The following UAP1 variants were observed in gnomAD, a reference collection of about 807,000 sequenced individuals.
UAP1 encodes UDP-N-acetylhexosamine pyrophosphorylase.
In UAP1, 25 loss-of-function variants were observed where a neutral mutation model predicts 58.5. The observed-to-expected ratio is 0.43, with a 90% CI of 0.31 to 0.60. The LOEUF is 0.60. UAP1 is among the 20% of genes least tolerant of loss of function. The pLI, the probability that UAP1 is intolerant of heterozygous loss-of-function variation, is 0.11. For synonymous variants in UAP1, 208 were observed against 213.0 expected, an observed-to-expected ratio of 0.98 and a Z score of 0.21; for missense variants, 575 against 630.0, an observed-to-expected ratio of 0.91 and a Z score of 0.93.
At chr1:162,588,358 A>G (rs1256384834) in intron 6 of UAP1, among the ~76,000 whole-genome samples, 1 of 152,200 alleles carries the variant, frequency 6.6e-6, no homozygotes, top group Non-Finnish European at 1.5e-5. Flanking sequence ...TTCCCATTCT[A>G]TGCCATTTGT....
chr1:162,584,084 A>G (rs1382228988), intron 5 of UAP1, among the ~76,000 whole-genome samples: 1 of 151,838 alleles, frequency 6.6e-6, no homozygotes, highest in Non-Finnish European at 1.5e-5. Context: ...TTTTGCTGAC[A>G]GTTCAAAAAT....
intron 7 of UAP1, among the ~76,000 whole-genome samples, chr1:162,589,158 A>ATATATTATATAATATATAT (rs1655114150): frequency 1.5e-5 from 1 of 66,814 alleles, no homozygotes; most frequent in Admixed American, 2.7e-4. Context: ...AATATATATT[A>ATATATTATATAATATATAT]TATATAATAT....
At chr1:162,564,149 A>G (rs187301476) in intron 1 of UAP1, among the ~76,000 whole-genome samples, 59 of 152,336 alleles carry the variant, frequency 3.9e-4, no homozygotes, top group African/African-American at 1.7e-4. Context: ...TGAAACCTAT[A>G]TAAATCAATA....
chr1:162,579,706 AAT>A (rs1654464546), intron 4 of UAP1, 103 bp downstream of exon 4: 3 of 1,045,680 alleles, frequency 2.9e-6, no homozygotes, highest in Non-Finnish European at 4.0e-6. Flanking sequence ...TTTAAACATT[AAT>A]ATATATGTGT....
rs147831973 is a variant in UAP1 at position 162,581,936 on chromosome 1, C to T, written c.834+477C>T. ...TAAGGACAATTAAAGAGGTGAATAA[C>T]TGCTTGAATGACCACACACAGACTG... On this transcript the variant is annotated intron_variant, in intron 5 of 10. Transcript: ENST00000271469. 7.5e-3 allele frequency among the ~76,000 whole-genome samples: 1,135 copies of T among 152,212 alleles called. 8 individuals are homozygous for T. The highest frequency in any genetic ancestry group is 0.026 in the African/African-American group (1,060 of 41,506).
intron 3 of UAP1, among the ~76,000 whole-genome samples, chr1:162,578,755 A>AT (rs1026832714): frequency 6.6e-5 from 10 of 152,196 alleles, no homozygotes; most frequent in Non-Finnish European, 1.5e-4. Context: ...AAATTATACC[A>AT]TTTTGTTTAT....
intron 2 of UAP1, among the ~76,000 whole-genome samples, chr1:162,569,225 C>T (rs1489223197): frequency 6.6e-6 from 1 of 152,162 alleles, no homozygotes; most frequent in South Asian, 2.1e-4. Flanking sequence ...TAGGAAGATC[C>T]TGGTAATTGT....
rs546146996 is a variant in UAP1, at chr1:162,581,342, G to A, written c.717G>A (p.Met239Ile). The change falls in exon 5 of 11, where the codon ATG (methionine) becomes ATA (isoleucine). Residue 239 changes from methionine (M) to isoleucine (I), a missense_variant. Met to Ile is a conservative substitution (Grantham distance 10). Coordinates refer to ENST00000271469, the Ensembl canonical transcript of UAP1. ...CAGCCCAGAATATTGTGGAGGATATGGAGCAAAGAGGCATTTGGAGCATTC... is the reference window on the plus strand; with the variant it reads ...CAGCCCAGAATATTGTGGAGGATATAGAGCAAAGAGGCATTTGGAGCATTC... The A allele has an allele frequency of 1.4e-5, 23 of 1,613,988 alleles. 1 individual carries two copies. In the South Asian group the frequency reaches 2.3e-4, roughly 16 times the overall value.
At chr1:162,570,367 A>T (rs1242723088) in intron 2 of UAP1, among the ~76,000 whole-genome samples, 2 of 152,160 alleles carry the variant, frequency 1.3e-5, no homozygotes, top group Non-Finnish European at 2.9e-5. Context: ...GATATTTTGA[A>T]ACAAATATTT....
chr1:162,569,946 G>T (rs527344205), intron 2 of UAP1, among the ~76,000 whole-genome samples: 1 of 152,028 alleles, frequency 6.6e-6, no homozygotes, highest in South Asian at 2.1e-4. Context: ...TCAGGAGATC[G>T]AGACCATCCT....
intron 5 of UAP1, among the ~76,000 whole-genome samples, chr1:162,582,243 AT>A (rs1345728882): frequency 6.6e-6 from 1 of 152,220 alleles, no homozygotes; most frequent in Non-Finnish European, 1.5e-5. Context: ...CAGTGAGACT[AT>A]TTTGGGGACA....
intron 5 of UAP1, among the ~76,000 whole-genome samples, chr1:162,583,999 G>A (rs1287755215): frequency 6.6e-6 from 1 of 152,152 alleles, no homozygotes; most frequent in Non-Finnish European, 1.5e-5. Context: ...AACAGAGCCA[G>A]GATTAGAGTT....
chr1:162,595,753 A>G (rs1655583832), intron 9 of UAP1, among the ~76,000 whole-genome samples: 1 of 152,214 alleles, frequency 6.6e-6, no homozygotes, highest in African/African-American at 2.4e-5. Context: ...TAACATTTTC[A>G]GGCAGTATGT....
chr1:162,574,905 A>G (rs1221619519), intron 2 of UAP1, among the ~76,000 whole-genome samples: 1 of 152,150 alleles, frequency 6.6e-6, no homozygotes, highest in African/African-American at 2.4e-5. Context: ...GAAGAATAAC[A>G]TTTTTATTCA....
chr1:162,598,935 G>A (rs1235235724), intron 10 of UAP1, among the ~76,000 whole-genome samples: 1 of 152,062 alleles, frequency 6.6e-6, no homozygotes, highest in Non-Finnish European at 1.5e-5. Context: ...AGAATTGCTT[G>A]AAACTGGGAG....
At chr1:162,574,358 G>T (rs192221500) in intron 2 of UAP1, among the ~76,000 whole-genome samples, 1 of 152,126 alleles carries the variant, frequency 6.6e-6, no homozygotes, top group Non-Finnish European at 1.5e-5. Flanking sequence ...CTTCCAAAGT[G>T]TTGAGATTAC....
chr1:162,572,002 A>G (rs1309179935), intron 2 of UAP1, among the ~76,000 whole-genome samples: 1 of 152,228 alleles, frequency 6.6e-6, no homozygotes, highest in Non-Finnish European at 1.5e-5. Flanking sequence ...GTAAACAGGA[A>G]GAAGTTAATG....
At chr1:162,568,626 A>G (rs139850725) in intron 2 of UAP1, among the ~76,000 whole-genome samples, 10 of 152,310 alleles carry the variant, frequency 6.6e-5, no homozygotes, top group Admixed American at 3.9e-4. Flanking sequence ...ATGCCTAGGT[A>G]TGTCCTTGTG....
chr1:162,566,181 A>G (rs200386884), exon 2 of UAP1: 2 of 1,614,190 alleles, frequency 1.2e-6, no homozygotes, highest in Non-Finnish European at 1.7e-6. Flanking sequence ...GCAGAGCTCC[A>G]GGCCATGAAC....
Sources: gnomAD v4.1 joint callset for allele counts (sites outside exome capture counted in the v4.1 genomes callset) on GRCh38, gnomAD v4.1.1 for gene constraint, MANE v1.5 for transcripts, NCBI Gene and HGNC (gene_info 2026-07-23, HGNC 2026-07-21) for gene names.